The following CNTNAP2 variants were observed in gnomAD, a reference collection of about 807,000 sequenced individuals.
CNTNAP2 encodes contactin-associated protein-like 2.
A neutral mutation model predicts 155.2 loss-of-function variants in CNTNAP2; 98 were observed. That is an observed-to-expected ratio of 0.63 (90% CI 0.54 to 0.75). The LOEUF is 0.75. Among genes scored for constraint, CNTNAP2 ranks in the 30% least tolerant of loss-of-function variants. The probability of loss-of-function intolerance (pLI) is 0.00; values close to 1 mark genes in which losing one functional copy is unlikely to be tolerated. For synonymous variants in CNTNAP2, 651 were observed against 631.2 expected (o/e 1.03, Z -0.47); for missense variants, 1,727 against 1,688.1 (o/e 1.02, Z -0.40).
chr7:148,380,697 C>G (rs1209750533), intron 21 of CNTNAP2, among the ~76,000 whole-genome samples: 1 of 152,020 alleles, frequency 6.6e-6, no homozygotes, highest in Non-Finnish European at 1.5e-5. Flanking sequence ...CTCTAAGCCT[C>G]GTTTCCCTCA....
intron 1 of CNTNAP2, among the ~76,000 whole-genome samples, chr7:146,152,935 T>C (rs975606889): frequency 2.0e-5 from 3 of 152,038 alleles, no homozygotes; most frequent in Non-Finnish European, 4.4e-5. Flanking sequence ...ACTCCCAGAG[T>C]TTTGCAGTGG....
intron 13 of CNTNAP2, among the ~76,000 whole-genome samples, chr7:147,737,194 G>C (rs983117926): frequency 1.3e-5 from 2 of 152,128 alleles, no homozygotes; most frequent in African/African-American, 4.8e-5. Flanking sequence ...CGTACAGGTG[G>C]GGTTTTGGTG....
At chr7:146,651,304 G>A (rs1799907639) in intron 1 of CNTNAP2, among the ~76,000 whole-genome samples, 1 of 152,074 alleles carries the variant, frequency 6.6e-6, no homozygotes, top group African/African-American at 2.4e-5. Context: ...GAAAAACATA[G>A]GATCATAATA....
chr7:147,281,221 C>T (rs935408612), intron 8 of CNTNAP2, among the ~76,000 whole-genome samples: 4 of 151,842 alleles, frequency 2.6e-5, no homozygotes, highest in African/African-American at 9.7e-5. Flanking sequence ...TAATAAACCT[C>T]TGGTGCAAGA....
At chr7:147,381,562 A>C (rs951769748) in intron 9 of CNTNAP2, among the ~76,000 whole-genome samples, 3 of 152,292 alleles carry the variant, frequency 2.0e-5, no homozygotes, top group Admixed American at 1.3e-4. Context: ...CATGAAAAAG[A>C]CTATGTAAAA....
At chr7:147,171,919 C>T (rs956457779) in intron 8 of CNTNAP2, among the ~76,000 whole-genome samples, 1 of 151,902 alleles carries the variant, frequency 6.6e-6, no homozygotes, top group African/African-American at 2.4e-5. Context: ...ACGAGAATAC[C>T]TGCAATTAAA....
At chr7:146,371,913 C>T (rs142284352) in intron 1 of CNTNAP2, among the ~76,000 whole-genome samples, 4,904 of 150,304 alleles carry the variant, frequency 0.033, 272 homozygotes, top group African/African-American at 0.12. Context: ...AAGCCAAGAT[C>T]GCGCCACTGC....
At chr7:148,269,094 G>C (rs1280240169) in intron 21 of CNTNAP2, among the ~76,000 whole-genome samples, 1 of 152,142 alleles carries the variant, frequency 6.6e-6, no homozygotes, top group Non-Finnish European at 1.5e-5. Flanking sequence ...CGGCTGGAGA[G>C]GGAGGCATCC....
chr7:147,140,423 AT>A (rs1801568846), intron 8 of CNTNAP2, among the ~76,000 whole-genome samples: 1 of 151,708 alleles, frequency 6.6e-6, no homozygotes, highest in Non-Finnish European at 1.5e-5. Context: ...CTGCTATTTT[AT>A]TTTTAACCCT....
chr7:147,401,774 C>G (rs1405509917), intron 10 of CNTNAP2, among the ~76,000 whole-genome samples: 1 of 152,172 alleles, frequency 6.6e-6, no homozygotes, highest in Non-Finnish European at 1.5e-5. Context: ...CACTCACTCT[C>G]TCTCCTGCTG....
chr7:147,897,742 G>A (rs1306911578), intron 13 of CNTNAP2, among the ~76,000 whole-genome samples: 1 of 152,136 alleles, frequency 6.6e-6, no homozygotes, highest in Non-Finnish European at 1.5e-5. Flanking sequence ...TTCGGTGGTT[G>A]AGATGCTGTG....
At chr7:147,476,341 A>T (rs890051628) in intron 10 of CNTNAP2, among the ~76,000 whole-genome samples, 1 of 151,700 alleles carries the variant, frequency 6.6e-6, no homozygotes, top group Non-Finnish European at 1.5e-5. Flanking sequence ...TGCTGACCTC[A>T]TGATCCGCCC....
intron 1 of CNTNAP2, among the ~76,000 whole-genome samples, chr7:146,223,406 C>A (rs1799240343): frequency 6.6e-6 from 1 of 152,154 alleles, no homozygotes; most frequent in African/African-American, 2.4e-5. Flanking sequence ...CTCAAGATAG[C>A]AGAAAGAGGT....
chr7:146,581,026 A>G (rs1388338672), intron 1 of CNTNAP2, among the ~76,000 whole-genome samples: 1 of 152,144 alleles, frequency 6.6e-6, no homozygotes, highest in African/African-American at 2.4e-5. Context: ...TCAGAACAAT[A>G]TGACTGAATC....
At chr7:147,820,088 A>C (rs1198619957) in intron 13 of CNTNAP2, among the ~76,000 whole-genome samples, 2 of 152,128 alleles carry the variant, frequency 1.3e-5, no homozygotes, top group Non-Finnish European at 2.9e-5. Context: ...TTTCCAAAGG[A>C]GTTATACCTA....
At chr7:146,326,445 A>G (rs1444914908) in intron 1 of CNTNAP2, among the ~76,000 whole-genome samples, 1 of 152,240 alleles carries the variant, frequency 6.6e-6, no homozygotes, top group Non-Finnish European at 1.5e-5. Context: ...TGAATCAGTT[A>G]CATGACAGTG....
intron 13 of CNTNAP2, among the ~76,000 whole-genome samples, chr7:147,697,300 C>T (rs188586254): frequency 9.9e-4 from 151 of 152,190 alleles, no homozygotes; most frequent in African/African-American, 3.4e-3. Flanking sequence ...CCTATTAAAG[C>T]CTTCTAGCAT....
intron 10 of CNTNAP2, among the ~76,000 whole-genome samples, chr7:147,456,116 A>G (rs1797914706): frequency 6.6e-6 from 1 of 152,154 alleles, no homozygotes; most frequent in East Asian, 1.9e-4. Flanking sequence ...ATCAAAAGCC[A>G]TTTATATCTC....
intron 1 of CNTNAP2, among the ~76,000 whole-genome samples, chr7:146,609,200 G>C (rs1585005010): frequency 6.6e-6 from 1 of 152,120 alleles, no homozygotes; most frequent in Non-Finnish European, 1.5e-5. Flanking sequence ...AAAGCACCTA[G>C]TGTTGCACTC....
Sources: gnomAD v4.1 joint callset for allele counts (sites outside exome capture counted in the v4.1 genomes callset) on GRCh38, gnomAD v4.1.1 for gene constraint, MANE v1.5 for transcripts, NCBI Gene and HGNC (gene_info 2026-07-23, HGNC 2026-07-21) for gene names.